The following EML4 variants were observed in gnomAD, a reference collection of about 807,000 sequenced individuals.
The protein encoded by EML4 is EMAP like 4, also known as echinoderm microtubule-associated protein-like 4.
A neutral mutation model predicts 129.0 loss-of-function variants in EML4; 72 were observed. The ratio of observed to expected loss-of-function variants is 0.56; its 90% CI spans 0.46 to 0.68. EML4 has a LOEUF of 0.68. Among genes scored for constraint, EML4 ranks in the 30% least tolerant of loss-of-function variants. EML4 has a pLI of 0.00. For missense variants in EML4, 1,363 were observed against 1,190.6 expected (o/e 1.14, Z -2.13); for synonymous variants, 532 against 405.0 (o/e 1.31, Z -3.77).
chr2:42,237,537 A>G (rs928337414), intron 1 of EML4, among the ~76,000 whole-genome samples: 12 of 152,114 alleles, frequency 7.9e-5, no homozygotes, highest in African/African-American at 2.9e-4. Flanking sequence ...CTTGAATAAC[A>G]TGGGGGTTTG....
chr2:42,261,119 A>G lies in EML4; in HGVS notation c.339-2A>G. 1.3e-6 allele frequency: 2 copies of G among 1,596,068 alleles called. No individual in the cohort carries two copies. Among genetic ancestry groups the G allele is most frequent in the Admixed American group, 1.7e-5 (1 of 57,680 alleles). Reference sequence around the variant, plus strand: ...TGTTCCATGTTATACTTTATTTTACAGTGGTACAGAAAAAAAGAAAGAAAA... The same window carrying G: ...TGTTCCATGTTATACTTTATTTTACGGTGGTACAGAAAAAAAGAAAGAAAA... On this transcript the variant is annotated splice_acceptor_variant, in intron 3 of 22. Transcript: ENST00000318522. LOFTEE classifies it high-confidence loss of function.
intron 1 of EML4, among the ~76,000 whole-genome samples, chr2:42,204,325 T>G (rs1328191312): frequency 2.0e-5 from 3 of 152,214 alleles, no homozygotes; most frequent in African/African-American, 7.2e-5. Flanking sequence ...GAACCCAGGT[T>G]GGTCTGATTT....
At chr2:42,285,848 C>G (rs146227667) in intron 9 of EML4, 3,672 of 178,824 alleles carry the variant, frequency 0.021, 135 homozygotes, top group African/African-American at 0.082. Flanking sequence ...ATCCGCCCGC[C>G]TCGGCCTCCC....
chr2:42,315,295 G>A (rs1383604903), intron 17 of EML4, among the ~76,000 whole-genome samples: 3 of 152,048 alleles, frequency 2.0e-5, no homozygotes, highest in African/African-American at 7.3e-5. Context: ...CACTGAGGTT[G>A]GCATTTCTTC....
At chr2:42,210,322 G>A (rs1405192761) in intron 1 of EML4, among the ~76,000 whole-genome samples, 1 of 152,120 alleles carries the variant, frequency 6.6e-6, no homozygotes, top group African/African-American at 2.4e-5. Context: ...ATTGTAGAAT[G>A]TCCCTCTTTT....
Position 42,184,951 on chromosome 2 carries a change from G to A in EML4, c.25+15315G>A, listed in dbSNP as rs144331710. Among the ~76,000 whole-genome samples the A allele has an allele frequency of 3.3e-3, 507 of 152,292 alleles. 2 individuals are homozygous for A. Among genetic ancestry groups the A allele is most frequent in the African/African-American group, 0.011 (478 of 41,570 alleles). ...TATCCAGTGCCTAACCGCTTTGGCC[G>A]ATGGGAAAACCATAGGATCAGTGGA... On this transcript the variant is annotated intron_variant, in intron 1 of 22. Coordinates refer to ENST00000318522, the MANE Select transcript of EML4 (RefSeq NM_019063.5).
chr2:42,300,049 C>G (rs1472195738), intron 13 of EML4, among the ~76,000 whole-genome samples: 1 of 152,166 alleles, frequency 6.6e-6, no homozygotes, highest in Non-Finnish European at 1.5e-5. Context: ...ATACCTCATT[C>G]CTTTTTATGG....
chr2:42,249,190 G>A (rs981881073), intron 2 of EML4, among the ~76,000 whole-genome samples: 1 of 151,918 alleles, frequency 6.6e-6, no homozygotes, highest in Non-Finnish European at 1.5e-5. Flanking sequence ...AATAAATGAA[G>A]TTTTTCATAA....
chr2:42,307,050 G>A (rs1432875682), intron 17 of EML4, among the ~76,000 whole-genome samples: 1 of 152,188 alleles, frequency 6.6e-6, no homozygotes, highest in African/African-American at 2.4e-5. Flanking sequence ...CATTGTTAAA[G>A]CATACTATGT....
At chr2:42,296,693 C>G (rs1409995047) in intron 13 of EML4, among the ~76,000 whole-genome samples, 1 of 152,154 alleles carries the variant, frequency 6.6e-6, no homozygotes, top group Non-Finnish European at 1.5e-5. Context: ...TAACTTTCAT[C>G]TTAACTTTGG....
chr2:42,292,664 T>C (rs1428705817), intron 11 of EML4, among the ~76,000 whole-genome samples: 1 of 152,220 alleles, frequency 6.6e-6, no homozygotes, highest in African/African-American at 2.4e-5. Context: ...TAGTAATGTT[T>C]TGTTTCTTGT....
intron 17 of EML4, among the ~76,000 whole-genome samples, chr2:42,311,060 G>A (rs1240287608): frequency 6.6e-6 from 1 of 152,160 alleles, no homozygotes; most frequent in Non-Finnish European, 1.5e-5. Context: ...CACGGTTTTG[G>A]TGGGGGTTTT....
chr2:42,273,701 A>T (rs1304611649), intron 6 of EML4, among the ~76,000 whole-genome samples: 2 of 152,188 alleles, frequency 1.3e-5, no homozygotes, highest in Non-Finnish European at 2.9e-5. Context: ...CCCAAGTTTT[A>T]TGCTAGCTAA....
At chr2:42,277,464 A>G (rs1572674820) in intron 6 of EML4, among the ~76,000 whole-genome samples, 1 of 152,184 alleles carries the variant, frequency 6.6e-6, no homozygotes, top group East Asian at 1.9e-4. Context: ...TGTTGAAACC[A>G]TAGTGTGGGA....
At chr2:42,243,003 C>A (rs1356043659) in intron 1 of EML4, among the ~76,000 whole-genome samples, 1 of 152,080 alleles carries the variant, frequency 6.6e-6, no homozygotes, top group Non-Finnish European at 1.5e-5. Context: ...GTCTCGAACT[C>A]CTGGGATCAA....
At chr2:42,268,651 G>A (rs76926873) in intron 6 of EML4, among the ~76,000 whole-genome samples, 9 of 151,978 alleles carry the variant, frequency 5.9e-5, no homozygotes, top group South Asian at 4.1e-4. Flanking sequence ...TTTCCCAGGC[G>A]TGTCTCAAAC....
chr2:42,178,914 A>G (rs1178567454), intron 1 of EML4, among the ~76,000 whole-genome samples: 1 of 152,206 alleles, frequency 6.6e-6, no homozygotes, highest in African/African-American at 2.4e-5. Flanking sequence ...CATCCATTAT[A>G]ATAAAGATTT....
At chr2:42,325,587 ATGCTATGAT>A (rs770308048) in intron 20 of EML4, 33 bp downstream of exon 20, 39 of 300,056 alleles carry the variant, frequency 1.3e-4, no homozygotes, top group Middle Eastern at 9.4e-4. Context: ...ATATATATAT[ATGCTATGAT>A]TATATTTATA....
chr2:42,247,789 G>A (rs993483287), intron 2 of EML4, among the ~76,000 whole-genome samples: 1 of 151,916 alleles, frequency 6.6e-6, no homozygotes, highest in African/African-American at 2.4e-5. Flanking sequence ...TTTAGAGTAG[G>A]ATAAGGAGCT....
Sources: gnomAD v4.1 joint callset for allele counts (sites outside exome capture counted in the v4.1 genomes callset) on GRCh38, gnomAD v4.1.1 for gene constraint, MANE v1.5 for transcripts, NCBI Gene and HGNC (gene_info 2026-07-23, HGNC 2026-07-21) for gene names.